Variants in BNC2 observed in about 807,000 individuals in gnomAD.
The protein encoded by BNC2 is zinc finger protein basonuclin-2.
A neutral mutation model predicts 76.3 loss-of-function variants in BNC2; 20 were observed. That is an observed-to-expected ratio of 0.26 (90% CI 0.18 to 0.38). The LOEUF is 0.38. BNC2 is among the 10% of genes least tolerant of loss of function. The probability of loss-of-function intolerance (pLI) is 1.00; values close to 1 mark genes in which losing one functional copy is unlikely to be tolerated. For synonymous variants in BNC2, 582 were observed against 514.8 expected (o/e 1.13, Z -1.77); for missense variants, 1,382 against 1,399.8 (o/e 0.99, Z 0.20).
At position 16,436,673 on chromosome 9, in the gene BNC2, A is replaced by G. The variant is rs1385731795; in HGVS notation, c.1521T>C (p.Asp507=). Residue 507 remains aspartate (D), a synonymous_variant, in exon 6 of 7, where the codon GAT becomes GAC. Coordinates refer to ENST00000380672, the MANE Select transcript of BNC2 (RefSeq NM_017637.6). ...LHMPMLRNNR[D]KDLIRATSGA... ...CTGAGGTGGCCCGAATTAAATCTTTATCTCGGTTATTCCTTAGCATAGGCA... is the reference window on the plus strand; with the variant it reads ...CTGAGGTGGCCCGAATTAAATCTTTGTCTCGGTTATTCCTTAGCATAGGCA... 2 of 1,614,056 alleles carry G rather than the reference A, an allele frequency of 1.2e-6. No homozygotes were observed. Among genetic ancestry groups the G allele is most frequent in the East Asian group, 2.2e-5 (1 of 44,870 alleles).
chr9:16,701,423 T>C (rs1823507668), intron 3 of BNC2, among the ~76,000 whole-genome samples: 2 of 152,238 alleles, frequency 1.3e-5, no homozygotes, highest in Non-Finnish European at 2.9e-5. Context: ...CCATGAATGC[T>C]TTTGTAAGCA....
Position 16,728,005 on chromosome 9 carries a change from G to T in BNC2, c.130-8C>A. The T allele has an allele frequency of 1.2e-6, 2 of 1,611,372 alleles. No individual in the cohort carries two copies. Among genetic ancestry groups the T allele is most frequent in the South Asian group, 2.2e-5 (2 of 91,026 alleles). ...CACTTCTGCCTCTTCTGACTGAAAA[G>T]TGAAGGTGGATTTTTTGAGCCTCTT... On this transcript the variant is annotated splice_region_variant and splice_polypyrimidine_tract_variant and intron_variant, in intron 2 of 6. Coordinates refer to ENST00000380672, the MANE Select transcript of BNC2 (RefSeq NM_017637.6).
rs71325979 is a variant in BNC2, at chr9:16,663,130, C to CTTTTTT, written c.330+64661_330+64666dup. Among the ~76,000 whole-genome samples the CTTTTTT allele has an allele frequency of 3.7e-3, 369 of 99,604 alleles. 26 individuals are homozygous for CTTTTTT. The highest frequency in any genetic ancestry group is 4.2e-3 in the South Asian group (15 of 3,556). The allele number at this position is 99,604 out of a possible 152,430, so 65.3% of individuals were successfully genotyped here. A position where few individuals can be genotyped will look rare whatever the true frequency, so the allele number is the denominator to read the frequency against. ...CCATAGGCACTCCACTCTGTTTACT[C>CTTTTTT]TTTTTTTTTTTTTTTTGGAGACGGA... On this transcript the variant is annotated intron_variant, in intron 3 of 6. Coordinates refer to ENST00000380672, the MANE Select transcript of BNC2 (RefSeq NM_017637.6).
intron 1 of BNC2, among the ~76,000 whole-genome samples, chr9:16,785,415 G>A (rs998211162): frequency 6.6e-6 from 1 of 152,056 alleles, no homozygotes; most frequent in Non-Finnish European, 1.5e-5. Context: ...TTTTAGTTAA[G>A]ACAGAGTTTT....
chr9:16,760,856 A>G, intron 1 of BNC2, among the ~76,000 whole-genome samples: 1 of 152,174 alleles, frequency 6.6e-6, no homozygotes, highest in Non-Finnish European at 1.5e-5. Flanking sequence ...GGGAAAAAAT[A>G]ATGAGTGCTG....
chr9:16,570,376 A>T lies in BNC2; in HGVS notation c.433+12607T>A, dbSNP rs563886030. On this transcript the variant is annotated intron_variant, in intron 4 of 6. Transcript: ENST00000380672. ...CCCCAGTAATTCAGGCTGAAATCTCACTCTAAATCTATAATCAATCTGTTT... is the reference window on the plus strand; with the variant it reads ...CCCCAGTAATTCAGGCTGAAATCTCTCTCTAAATCTATAATCAATCTGTTT... Among the ~76,000 whole-genome samples the T allele has an allele frequency of 2.6e-5, 4 of 152,200 alleles. No individual in the cohort carries two copies. The East Asian group carries it at 7.7e-4, about 29-fold the overall frequency.
chr9:16,507,296 C>T (rs116595613), intron 5 of BNC2, among the ~76,000 whole-genome samples: 1,846 of 115,878 alleles, frequency 0.016, 40 homozygotes, highest in African/African-American at 0.059. Context: ...CTCGTTCTGT[C>T]GCCCATACCG....
intron 5 of BNC2, among the ~76,000 whole-genome samples, chr9:16,446,520 G>C (rs115314387): frequency 6.6e-6 from 1 of 151,898 alleles, no homozygotes; most frequent in Admixed American, 6.6e-5. Flanking sequence ...ATTTTTAAAA[G>C]AAGTAATGTA....
At chr9:16,530,642 T>C (rs1235532149) in intron 5 of BNC2, among the ~76,000 whole-genome samples, 1 of 152,246 alleles carries the variant, frequency 6.6e-6, no homozygotes, top group Non-Finnish European at 1.5e-5. Context: ...CTGCATTAAC[T>C]TTTTGCATTT....
Position 16,634,654 on chromosome 9 carries a change from A to T in BNC2, c.331-51569T>A, listed in dbSNP as rs111785821. 7.3e-4 allele frequency among the ~76,000 whole-genome samples: 111 copies of T among 152,160 alleles called. 1 individual carries two copies. Among genetic ancestry groups the T allele is most frequent in the African/African-American group, 2.3e-3 (94 of 41,512 alleles). Reference sequence around the variant, plus strand: ...GTAGCTGGGGCTACAGGCACCTGCCACCACACCTGGCTAATTTTTTGTATT... The same window carrying T: ...GTAGCTGGGGCTACAGGCACCTGCCTCCACACCTGGCTAATTTTTTGTATT... On this transcript the variant is annotated intron_variant, in intron 3 of 6. Coordinates refer to ENST00000380672, the MANE Select transcript of BNC2 (RefSeq NM_017637.6).
intron 3 of BNC2, among the ~76,000 whole-genome samples, chr9:16,672,264 G>A (rs1822499411): frequency 6.6e-6 from 1 of 152,180 alleles, no homozygotes; most frequent in South Asian, 2.1e-4. Flanking sequence ...TTGGGAGGCC[G>A]AGGCGGGCGG....
intron 3 of BNC2, among the ~76,000 whole-genome samples, chr9:16,725,597 T>C (rs1337410263): frequency 6.6e-6 from 1 of 152,178 alleles, no homozygotes; most frequent in African/African-American, 2.4e-5. Context: ...AGCATAATAT[T>C]ATACAGTTTT....
At position 16,629,979 on chromosome 9, in the gene BNC2, C is replaced by A. The variant is rs562213092; in HGVS notation, c.331-46894G>T. 3.2e-4 allele frequency among the ~76,000 whole-genome samples: 48 copies of A among 152,300 alleles called. 1 individual carries two copies. The South Asian group carries it at 9.9e-3, about 32-fold the overall frequency. On this transcript the variant is annotated intron_variant, in intron 3 of 6. Coordinates refer to ENST00000380672, the MANE Select transcript of BNC2 (RefSeq NM_017637.6). ...CCATTCAGAAAAGATTTCTCTGTAGCATTGATGCTTTGGATAGCATGTTAT... is the reference window on the plus strand; with the variant it reads ...CCATTCAGAAAAGATTTCTCTGTAGAATTGATGCTTTGGATAGCATGTTAT...
intron 5 of BNC2, among the ~76,000 whole-genome samples, chr9:16,511,358 AC>A (rs1431103836): frequency 1.4e-5 from 2 of 143,870 alleles, no homozygotes; most frequent in African/African-American, 5.2e-5. Context: ...GGATTGTCCC[AC>A]CTCGTTTTCC....
At chr9:16,713,800 G>C (rs1003350595) in intron 3 of BNC2, among the ~76,000 whole-genome samples, 2 of 152,110 alleles carry the variant, frequency 1.3e-5, no homozygotes, top group African/African-American at 4.8e-5. Context: ...TTGGCTGGGC[G>C]TGGTGCCCTC....
intron 3 of BNC2, among the ~76,000 whole-genome samples, chr9:16,693,765 G>A (rs982224444): frequency 1.3e-5 from 2 of 152,198 alleles, no homozygotes; most frequent in Non-Finnish European, 2.9e-5. Context: ...AAAAGCTTAC[G>A]AGAAAAAGCC....
chr9:16,728,214 T>A, intron 2 of BNC2: 1 of 621,450 alleles, frequency 1.6e-6, no homozygotes, highest in Non-Finnish European at 2.9e-6. Context: ...GTTTAACAGC[T>A]GCCTGTCAGG....
At chr9:16,818,290 G>C (rs1030192540) in intron 1 of BNC2, among the ~76,000 whole-genome samples, 6 of 152,150 alleles carry the variant, frequency 3.9e-5, no homozygotes, top group African/African-American at 1.4e-4. Flanking sequence ...TGTAGTCCCA[G>C]CTACTTGGGA....
intron 5 of BNC2, among the ~76,000 whole-genome samples, chr9:16,539,769 GAAAGGA>G: frequency 2.0e-5 from 1 of 49,540 alleles, no homozygotes; most frequent in African/African-American, 1.5e-4. Context: ...GAAAGGAAAA[GAAAGGA>G]AAGGAAAGGA....
Sources: gnomAD v4.1 joint callset for allele counts (sites outside exome capture counted in the v4.1 genomes callset) on GRCh38, gnomAD v4.1.1 for gene constraint, MANE v1.5 for transcripts, NCBI Gene and HGNC (gene_info 2026-07-23, HGNC 2026-07-21) for gene names.